Variants in PTPRS observed in about 807,000 individuals in gnomAD.
PTPRS encodes protein tyrosine phosphatase receptor type S, also known as receptor-type tyrosine-protein phosphatase S.
A neutral mutation model predicts 215.3 loss-of-function variants in PTPRS; 63 were observed. The observed-to-expected ratio is 0.29, with a 90% CI of 0.24 to 0.36. The LOEUF is 0.36. Ranked by LOEUF, PTPRS falls within the 10% of genes least tolerant of loss-of-function variation. The pLI is 1.00. For missense variants in PTPRS, 2,258 were observed against 2,825.8 expected (o/e 0.80, Z 4.56); for synonymous variants, 1,404 against 1,191.4 (o/e 1.18, Z -3.68).
At chr19:5,307,962 C>T (rs973096180) in intron 1 of PTPRS, among the ~76,000 whole-genome samples, 2 of 152,162 alleles carry the variant, frequency 1.3e-5, no homozygotes, top group Admixed American at 1.3e-4. Context: ...ATCATCCGGC[C>T]GGCAAAGCTG....
At chr19:5,327,878 GC>G (rs2050212256) in intron 1 of PTPRS, among the ~76,000 whole-genome samples, 1 of 152,240 alleles carries the variant, frequency 6.6e-6, no homozygotes, top group Non-Finnish European at 1.5e-5. Context: ...TGGGATTACA[GC>G]CATGAGTCAC....
rs2041776092 is a variant in PTPRS, at chr19:5,219,417, G to A, written c.3816C>T (p.Asp1272=). ...CCTCGCCATCCACGATGGGCTGGGG[G>A]TCCGGGTTATCCAGCTGGAAGGGGT... ...FSDPFQLDNP[D]PQPIVDGEEG... Residue 1272 remains aspartate, a synonymous_variant, in exon 23 of 38, where the codon GAC becomes GAT. Transcript: ENST00000262963. The A allele has an allele frequency of 3.1e-6, 5 of 1,612,490 alleles. No individual in the cohort carries two copies. Among genetic ancestry groups the A allele is most frequent in the Non-Finnish European group, 3.4e-6 (4 of 1,179,278 alleles).
chr19:5,232,172 G>A (rs2043072643), intron 13 of PTPRS, among the ~76,000 whole-genome samples: 1 of 151,636 alleles, frequency 6.6e-6, no homozygotes, highest in Non-Finnish European at 1.5e-5. Context: ...CAGCACCAAG[G>A]GCTTCACAAA....
chr19:5,311,480 G>A (rs1371801846), intron 1 of PTPRS, among the ~76,000 whole-genome samples: 2 of 152,140 alleles, frequency 1.3e-5, no homozygotes, highest in Non-Finnish European at 2.9e-5. Context: ...AGGGTCCTGG[G>A]CCCAGAAAGG....
chr19:5,301,692 C>A (rs963260619), intron 1 of PTPRS, among the ~76,000 whole-genome samples: 4 of 152,076 alleles, frequency 2.6e-5, no homozygotes, highest in East Asian at 3.9e-4. Context: ...GCATCCTCCC[C>A]CTCTACACCC....
chr19:5,260,653 C>T (rs1189554977), intron 7 of PTPRS, among the ~76,000 whole-genome samples, 152 bp downstream of exon 7: 4 of 152,192 alleles, frequency 2.6e-5, no homozygotes, highest in East Asian at 1.9e-4. Context: ...CAGACACAGA[C>T]GCAGAGACCG....
chr19:5,225,822 T>G lies in PTPRS; in HGVS notation c.2399A>C (p.Gln800Pro). 3 of 1,613,956 alleles carry G rather than the reference T, an allele frequency of 1.9e-6. No individual in the cohort carries two copies. Among genetic ancestry groups the G allele is most frequent in the Non-Finnish European group, 2.5e-6 (3 of 1,179,932 alleles). Residue 800 changes from glutamine to proline, a missense_variant, in exon 17 of 38, where the codon CAG becomes CCG. Around this residue, in one of 6 missense-constraint regions of PTPRS, gnomAD observed 371 missense variants for 446.7 expected, o/e 0.83. Transcript: ENST00000262963. The stretch of plus-strand genomic sequence containing the variant: ...CGTGATGGAGTACGCGGTCTCAGGC[T>G]GCAAGTTTGTGATGACCATCTCCTG... ...AEYEMVITNL[Q>P]PETAYSITVA...
chr19:5,284,082 C>T (rs1415415754), intron 2 of PTPRS, among the ~76,000 whole-genome samples: 2 of 151,154 alleles, frequency 1.3e-5, no homozygotes, highest in Non-Finnish European at 2.9e-5. Context: ...CCAGGCCAGC[C>T]GGGCTCAGTG....
At chr19:5,280,927 G>T (rs2047796152) in intron 2 of PTPRS, among the ~76,000 whole-genome samples, 1 of 151,400 alleles carries the variant, frequency 6.6e-6, no homozygotes, top group African/African-American at 2.4e-5. Flanking sequence ...AAGTAGCTGG[G>T]ATTACAGGAA....
In PTPRS at chr19:5,216,709, C is replaced by G; in HGVS notation, c.4096+11G>C. 6.4e-7 allele frequency: 1 copy of G among 1,555,880 alleles called. No homozygotes were observed. On this transcript the variant is annotated intron_variant, in intron 26 of 37. Transcript: ENST00000262963. Reference sequence around the variant, plus strand: ...GGCGAAAGGAAGCCAAAAACAGACACAAGAACTAACTTTCAAAGTGAAACC... The same window carrying G: ...GGCGAAAGGAAGCCAAAAACAGACAGAAGAACTAACTTTCAAAGTGAAACC...
chr19:5,314,068 T>C (rs2147171918), intron 1 of PTPRS, among the ~76,000 whole-genome samples: 1 of 151,838 alleles, frequency 6.6e-6, no homozygotes, highest in Admixed American at 6.6e-5. Flanking sequence ...GCCCAGGAGG[T>C]CGAGGCTGCA....
intron 2 of PTPRS, among the ~76,000 whole-genome samples, chr19:5,276,462 A>G (rs2047370353): frequency 3.3e-5 from 5 of 151,858 alleles, no homozygotes; most frequent in Admixed American, 3.3e-4. Context: ...ACCTCAAGTG[A>G]TCCACCTACC....
In PTPRS at chr19:5,287,907, C is replaced by T. The variant is rs1223160291; in HGVS notation, c.-94-1673G>A. Among the ~76,000 whole-genome samples, 2 of 150,730 alleles carry T rather than the reference C, an allele frequency of 1.3e-5. No homozygotes were observed. The highest frequency in any genetic ancestry group is 6.6e-5 in the Admixed American group (1 of 15,146). Reference sequence around the variant, plus strand: ...CACACAGTCAGACTGCAAGCGGTTGCATATCTGCAAGAGACACAGAAACAA... The same window carrying T: ...CACACAGTCAGACTGCAAGCGGTTGTATATCTGCAAGAGACACAGAAACAA... On this transcript the variant is annotated intron_variant, in intron 1 of 37. Transcript: ENST00000262963. The surrounding 1 kb of genome is among the most constrained non-coding windows in gnomAD (Gnocchi z 4.8).
intron 13 of PTPRS, among the ~76,000 whole-genome samples, chr19:5,236,102 C>T (rs1464950517): frequency 1.3e-5 from 2 of 152,216 alleles, no homozygotes. Context: ...CACCCCGCGT[C>T]AACGGTGGGG....
At chr19:5,220,407 A>C in intron 20 of PTPRS, 54 bp from the exon 21 acceptor site, 1 of 1,467,452 alleles carries the variant, frequency 6.8e-7, no homozygotes, top group Non-Finnish European at 9.5e-7. Flanking sequence ...TGACCAAGGG[A>C]TGCTTCATGG....
chr19:5,301,727 C>T (rs765890435), intron 1 of PTPRS, among the ~76,000 whole-genome samples: 25 of 152,106 alleles, frequency 1.6e-4, no homozygotes, highest in Non-Finnish European at 2.8e-4. Context: ...AGGGTGATCA[C>T]AGTCTCCCCC....
chr19:5,273,896 C>A (rs1411098549), intron 3 of PTPRS, among the ~76,000 whole-genome samples: 4 of 152,172 alleles, frequency 2.6e-5, no homozygotes, highest in African/African-American at 9.7e-5. Context: ...TCAATGTGCA[C>A]GTGTGATCAT....
chr19:5,209,604 G>A (rs2040676421), intron 35 of PTPRS, among the ~76,000 whole-genome samples: 1 of 152,074 alleles, frequency 6.6e-6, no homozygotes, highest in Non-Finnish European at 1.5e-5. Flanking sequence ...CTTAGTCCTA[G>A]TATTTCCCAT....
At chr19:5,229,395 G>A (rs1445228505) in intron 15 of PTPRS, 53 bp from the exon 16 acceptor site, 2 of 1,358,088 alleles carry the variant, frequency 1.5e-6, no homozygotes, top group African/African-American at 1.5e-5. Context: ...AGCGGGGGAG[G>A]CCAGAGATGG....
Sources: allele counts gnomAD v4.1 joint callset (sites outside exome capture counted in the v4.1 genomes callset), GRCh38; gene constraint gnomAD v4.1.1; regional missense constraint gnomAD v4.1.1; non-coding constraint Gnocchi (gnomAD v3.1); transcripts MANE v1.5; gene names NCBI Gene and HGNC (gene_info 2026-07-23, HGNC 2026-07-21).